The following ZFHX3 variants were observed in gnomAD, a reference collection of about 807,000 sequenced individuals.
ZFHX3 encodes zinc finger homeobox 3, also known as zinc finger homeobox protein 3.
Under a neutral mutation model 279.1 loss-of-function variants are expected in ZFHX3, and 42 were observed. That is an observed-to-expected ratio of 0.15 (90% confidence interval 0.12 to 0.19). The LOEUF (loss-of-function observed/expected upper bound fraction) is 0.19, where lower values mean the gene tolerates loss of function less well. Ranked by LOEUF, ZFHX3 falls within the 10% of genes least tolerant of loss-of-function variation. The probability of loss-of-function intolerance (pLI) is 1.00; values close to 1 mark genes in which losing one functional copy is unlikely to be tolerated. For missense variants in ZFHX3, 4,981 were observed against 4,754.0 expected, an observed-to-expected ratio of 1.05 and a Z score of -1.40; for synonymous variants, 2,293 against 1,957.8, an observed-to-expected ratio of 1.17 and a Z score of -4.52.
intron 5 of ZFHX3, among the ~76,000 whole-genome samples, chr16:73,218,437 T>A (rs1200062602): frequency 6.6e-6 from 1 of 152,342 alleles, no homozygotes; most frequent in African/African-American, 2.4e-5. Flanking sequence ...ATCTTAAGAA[T>A]GCCAGAGCTT....
intron 2 of ZFHX3, among the ~76,000 whole-genome samples, chr16:73,546,581 T>C (rs927264771): frequency 6.6e-6 from 1 of 151,888 alleles, no homozygotes; most frequent in Non-Finnish European, 1.5e-5. Context: ...TCTGTGCTCG[T>C]AGGTTTGATT....
chr16:72,842,863 T>C (rs957551561), intron 4 of ZFHX3, among the ~76,000 whole-genome samples: 1 of 152,110 alleles, frequency 6.6e-6, no homozygotes, highest in Non-Finnish European at 1.5e-5. Flanking sequence ...GAAAACAGCC[T>C]TGAAGACAGG....
At chr16:72,945,877 A>G (rs1457131122) in intron 3 of ZFHX3, among the ~76,000 whole-genome samples, 1 of 152,044 alleles carries the variant, frequency 6.6e-6, no homozygotes, top group Non-Finnish European at 1.5e-5. Context: ...CCACCTACGG[A>G]CGTAAAATGT....
rs936205882 is a variant in ZFHX3 at position 73,706,473 on chromosome 16, A to G, written c.-1607-26233T>C. Among the ~76,000 whole-genome samples the G allele has an allele frequency of 1.6e-3, 237 of 150,240 alleles. 1 individual carries two copies. The highest frequency in any genetic ancestry group is 2.4e-3 in the Admixed American group (37 of 15,168). ...CTCTATCTCAAAAAAAAAAAAAAAA[A>G]AGAGAAAAATCATTTCTGATCATTT... On this transcript the variant is annotated intron_variant, in intron 1 of 17. Transcript: ENST00000641206.
intron 3 of ZFHX3, among the ~76,000 whole-genome samples, chr16:72,934,813 A>C (rs1202664866): frequency 6.6e-6 from 1 of 152,206 alleles, no homozygotes; most frequent in Non-Finnish European, 1.5e-5. Flanking sequence ...CGCACATCAG[A>C]ATCCGACAGT....
intron 2 of ZFHX3, among the ~76,000 whole-genome samples, chr16:73,492,181 C>A (rs1443615446): frequency 6.6e-6 from 1 of 152,160 alleles, no homozygotes; most frequent in African/African-American, 2.4e-5. Flanking sequence ...CTGACTCCAA[C>A]CTCTTTCCCA....
At chr16:72,848,197 C>G (rs1339265210) in intron 4 of ZFHX3, among the ~76,000 whole-genome samples, 2 of 152,100 alleles carry the variant, frequency 1.3e-5, no homozygotes, top group Admixed American at 1.3e-4. Context: ...GCACTAATTG[C>G]TCTTGGGGAT....
intron 1 of ZFHX3, among the ~76,000 whole-genome samples, chr16:73,026,693 A>AC (rs1555543120): frequency 1.4e-5 from 2 of 144,642 alleles, no homozygotes; most frequent in Admixed American, 7.1e-5. Flanking sequence ...AAAAAAAAAA[A>AC]AACACATAGT....
intron 5 of ZFHX3, among the ~76,000 whole-genome samples, chr16:73,214,764 A>G (rs2012141243): frequency 6.8e-6 from 1 of 146,288 alleles, no homozygotes; most frequent in Non-Finnish European, 1.5e-5. Flanking sequence ...TTCTGGCATG[A>G]GTTTCTCATC....
In ZFHX3 at chr16:73,079,188, C is replaced by T. The variant is rs533862858; in HGVS notation, c.-533+14047G>A. Among the ~76,000 whole-genome samples the T allele has an allele frequency of 1.1e-4, 17 of 152,172 alleles. 1 individual carries two copies. The highest frequency in any genetic ancestry group is 3.6e-4 in the African/African-American group (15 of 41,522). On this transcript the variant is annotated intron_variant, in intron 8 of 17. Transcript: ENST00000641206. The stretch of plus-strand genomic sequence containing the variant: ...TTGTCTCTCCCCACTGCTGTCCCCA[C>T]GGCACACCTGCCTCCATCACTTTCA...
At chr16:73,105,468 C>T (rs1966292129) in intron 7 of ZFHX3, among the ~76,000 whole-genome samples, 1 of 131,234 alleles carries the variant, frequency 7.6e-6, no homozygotes, top group Non-Finnish European at 1.7e-5. Context: ...TTTTTTCCCC[C>T]AGGCCAGGCG....
intron 3 of ZFHX3, among the ~76,000 whole-genome samples, chr16:73,453,925 C>T (rs2018325853): frequency 6.6e-6 from 1 of 152,124 alleles, no homozygotes; most frequent in South Asian, 2.1e-4. Flanking sequence ...CCACCAGGTC[C>T]CTCCCACAAC....
chr16:73,125,405 A>C (rs1311173328), intron 7 of ZFHX3: 1 of 152,022 alleles, frequency 6.6e-6, no homozygotes, highest in Non-Finnish European at 1.5e-5. Flanking sequence ...TGTGATGGTT[A>C]ATACTGAATG....
chr16:73,496,257 G>T, intron 2 of ZFHX3, among the ~76,000 whole-genome samples: 1 of 152,362 alleles, frequency 6.6e-6, no homozygotes, highest in African/African-American at 2.4e-5. Context: ...GTGGCCGGGC[G>T]TGGCGGCTCA....
At chr16:73,057,442 G>A (rs1344003755) in intron 1 of ZFHX3, among the ~76,000 whole-genome samples, 1 of 151,406 alleles carries the variant, frequency 6.6e-6, no homozygotes, top group Non-Finnish European at 1.5e-5. Context: ...AATGCATAAT[G>A]TAAAATTCAG....
At chr16:73,039,001 T>C (rs1965013206) in intron 1 of ZFHX3, among the ~76,000 whole-genome samples, 1 of 151,522 alleles carries the variant, frequency 6.6e-6, no homozygotes, top group Admixed American at 6.6e-5. Context: ...GGTCTTGCCA[T>C]GTTGCTAAGG....
chr16:73,746,188 G>A (rs1392016647), intron 1 of ZFHX3, among the ~76,000 whole-genome samples: 1 of 152,048 alleles, frequency 6.6e-6, no homozygotes, highest in Non-Finnish European at 1.5e-5. Context: ...TGCCGCTGTT[G>A]CTCCACAGTC....
intron 1 of ZFHX3, among the ~76,000 whole-genome samples, chr16:73,714,419 G>A (rs2053394553): frequency 6.6e-6 from 1 of 152,102 alleles, no homozygotes; most frequent in Non-Finnish European, 1.5e-5. Context: ...AACTTCAGAT[G>A]CTTTCTCTAC....
chr16:73,479,954 G>A (rs951420861), intron 2 of ZFHX3, among the ~76,000 whole-genome samples: 6 of 152,162 alleles, frequency 3.9e-5, no homozygotes, highest in African/African-American at 7.2e-5. Flanking sequence ...TAAAAGCTCC[G>A]GGTCAACCCA....
Sources: gnomAD v4.1 joint callset for allele counts (sites outside exome capture counted in the v4.1 genomes callset) on GRCh38, gnomAD v4.1.1 for gene constraint, MANE v1.5 for transcripts, NCBI Gene and HGNC (gene_info 2026-07-23, HGNC 2026-07-21) for gene names.